The following EP300 variants were observed in gnomAD, a reference collection of about 807,000 sequenced individuals.
EP300 encodes EP300 lysine acetyltransferase.
A neutral mutation model predicts 264.0 loss-of-function variants in EP300; 31 were observed. That is an observed-to-expected ratio of 0.12 (90% confidence interval 0.09 to 0.16). The LOEUF is 0.16. Ranked by LOEUF, EP300 falls within the 10% of genes least tolerant of loss-of-function variation. The probability of loss-of-function intolerance (pLI) is 1.00; values close to 1 mark genes in which losing one functional copy is unlikely to be tolerated. For synonymous variants in EP300, 1,340 were observed against 1,045.4 expected (o/e 1.28, Z -5.44); for missense variants, 2,766 against 3,052.9 (o/e 0.91, Z 2.21).
At chr22:41,141,593 T>C (rs551558586) in intron 10 of EP300, among the ~76,000 whole-genome samples, 15 of 152,342 alleles carry the variant, frequency 9.8e-5, no homozygotes, top group Non-Finnish European at 1.6e-4. Context: ...TCAGGAGCCC[T>C]GTAACACACA....
chr22:41,100,813 C>T (rs542760146), intron 1 of EP300, among the ~76,000 whole-genome samples: 1 of 151,984 alleles, frequency 6.6e-6, no homozygotes, highest in Non-Finnish European at 1.5e-5. Flanking sequence ...ATTCTGGAAC[C>T]AATTCCCAGC....
intron 11 of EP300, 92 bp downstream of exon 11, chr22:41,146,908 AG>A (rs1393413486): frequency 1.8e-6 from 2 of 1,120,904 alleles, no homozygotes; most frequent in Admixed American, 3.9e-5. Context: ...TTATGCCAAC[AG>A]CAAGTGTCAT....
intron 21 of EP300, 58 bp from the exon 22 acceptor site, chr22:41,163,995 C>A: frequency 6.7e-7 from 1 of 1,492,790 alleles, no homozygotes; most frequent in Non-Finnish European, 9.4e-7. Context: ...GGAAATATTG[C>A]AAGTTTTCAT....
chr22:41,157,127 TAGTG>T, intron 17 of EP300, 38 bp from the exon 18 acceptor site: 1 of 1,612,966 alleles, frequency 6.2e-7, no homozygotes, highest in Non-Finnish European at 8.5e-7. Context: ...CCCGTAAAAA[TAGTG>T]AGACTTGAGT....
In EP300 at chr22:41,141,190, A is replaced by T. The variant is rs1325544787; in HGVS notation, c.2021A>T (p.Asn674Ile). The change falls in exon 10 of 31, where the codon AAC (asparagine) becomes ATC (isoleucine). Residue 674 changes from asparagine to isoleucine, a missense_variant. Asn to Ile is a moderately radical substitution (Grantham distance 149). Transcript: ENST00000263253. ...MVPVSMNPGP[N>I]MGQPQPGMTS... The stretch of plus-strand genomic sequence containing the variant: ...CCAGTTTCCATGAATCCAGGGCCTA[A>T]CATGGGACAGCCGCAACCAGGAATG... 6 of 1,614,094 alleles carry T rather than the reference A, an allele frequency of 3.7e-6. No individual in the cohort carries two copies. The highest frequency in any genetic ancestry group is 4.2e-6 in the Non-Finnish European group (5 of 1,180,034).
intron 17 of EP300, among the ~76,000 whole-genome samples, chr22:41,156,814 G>C (rs2059080116): frequency 6.6e-6 from 1 of 152,128 alleles, no homozygotes; most frequent in Non-Finnish European, 1.5e-5. Flanking sequence ...AACATTTTAA[G>C]TTCTGTGGGC....
At chr22:41,093,638 TTTATC>T (rs1478568032) in intron 1 of EP300, among the ~76,000 whole-genome samples, 3 of 152,236 alleles carry the variant, frequency 2.0e-5, no homozygotes, top group Non-Finnish European at 4.4e-5. Flanking sequence ...TAACAATTCT[TTTATC>T]TTACCTACCA....
At chr22:41,142,630 A>G (rs1183920688) in intron 10 of EP300, among the ~76,000 whole-genome samples, 2 of 152,126 alleles carry the variant, frequency 1.3e-5, no homozygotes, top group African/African-American at 4.8e-5. Flanking sequence ...TCATGCCTGT[A>G]CTCCCAGCAC....
At chr22:41,137,537 C>T (rs1026513175) in intron 7 of EP300, 116 bp from the exon 8 acceptor site, 23 of 1,386,184 alleles carry the variant, frequency 1.7e-5, no homozygotes, top group Admixed American at 7.0e-5. Flanking sequence ...CTCCTTAATG[C>T]GAATAGAAGT....
chr22:41,113,569 C>T (rs1333614405), intron 1 of EP300, among the ~76,000 whole-genome samples: 7 of 152,100 alleles, frequency 4.6e-5, no homozygotes, highest in African/African-American at 1.2e-4. Flanking sequence ...TTTTTTGAGA[C>T]GGAGTCTCGC....
chr22:41,146,076 T>G (rs1874633050), intron 10 of EP300, among the ~76,000 whole-genome samples: 1 of 152,124 alleles, frequency 6.6e-6, no homozygotes, highest in Non-Finnish European at 1.5e-5. Flanking sequence ...ACATGATTCA[T>G]AGCTATTATC....
intron 21 of EP300, among the ~76,000 whole-genome samples, 155 bp from the exon 22 acceptor site, chr22:41,163,898 G>A (rs560386152): frequency 7.9e-5 from 12 of 152,332 alleles, no homozygotes; most frequent in African/African-American, 2.6e-4. Flanking sequence ...GTACAACAGA[G>A]ACCCTATCTC....
rs1038073212 is a variant in EP300, at chr22:41,150,350, C to T, written c.2817+152C>T. ...ATTTTTCATTAGGGACTTTTGTATCCTGTTTTGCCTTCCTGTGATAGTACC... is the reference window on the plus strand; with the variant it reads ...ATTTTTCATTAGGGACTTTTGTATCTTGTTTTGCCTTCCTGTGATAGTACC... On this transcript the variant is annotated intron_variant, in intron 14 of 30. Coordinates refer to ENST00000263253, the MANE Select transcript of EP300 (RefSeq NM_001429.4). The T allele has an allele frequency of 5.1e-6, 5 of 982,564 alleles. No homozygotes were observed. The African/African-American group carries it at 6.5e-5, about 13-fold the overall frequency. 60.9% of individuals were successfully genotyped at this position (982,564 alleles called of 1,614,324 possible).
At chr22:41,142,316 T>G (rs1184815400) in intron 10 of EP300, among the ~76,000 whole-genome samples, 1 of 152,194 alleles carries the variant, frequency 6.6e-6, no homozygotes, top group Non-Finnish European at 1.5e-5. Context: ...ATCTCTTTCA[T>G]TCATTGAAGT....
intron 1 of EP300, among the ~76,000 whole-genome samples, chr22:41,114,801 T>A (rs960255419): frequency 1.1e-4 from 15 of 141,776 alleles, no homozygotes; most frequent in Non-Finnish European, 2.1e-4. Context: ...TGCTAAAAGA[T>A]ACAGAAGGAG....
intron 6 of EP300, among the ~76,000 whole-genome samples, chr22:41,135,416 T>C (rs1215621191): frequency 2.0e-5 from 3 of 152,190 alleles, no homozygotes; most frequent in African/African-American, 7.2e-5. Context: ...ATTTGAATGA[T>C]AATTTTGGGG....
At position 41,131,392 on chromosome 22, in the gene EP300, T is replaced by G; in HGVS notation, c.1287T>G (p.Ile429Met). ...TATATCTTTTGTCTTCTCTAGCAAT[T>G]TTGACTGGAGCACCCGTTGGACTTG... ...NAGDKRNQQPILTGAPVGLGN... is the reference protein window; with the variant it reads ...NAGDKRNQQPMLTGAPVGLGN... Residue 429 changes from isoleucine (I) to methionine (M), a missense_variant, in exon 6 of 31, where the codon ATT (isoleucine) becomes ATG (methionine). Ile to Met is a conservative substitution (Grantham distance 10, BLOSUM62 1). Transcript: ENST00000263253. The G allele has an allele frequency of 3.7e-6, 6 of 1,613,908 alleles. No individual in the cohort carries two copies. The highest frequency in any genetic ancestry group is 5.1e-6 in the Non-Finnish European group (6 of 1,180,022).
At chr22:41,137,356 CAAAAA>C (rs35403189) in intron 7 of EP300, among the ~76,000 whole-genome samples, 1 of 92,898 alleles carries the variant, frequency 1.1e-5, no homozygotes, top group Admixed American at 1.3e-4. Flanking sequence ...GACTTTGTCT[CAAAAA>C]AAAAAAAAAA....
intron 11 of EP300, among the ~76,000 whole-genome samples, chr22:41,147,320 G>A (rs112947655): frequency 1.3e-4 from 18 of 142,836 alleles, no homozygotes; most frequent in African/African-American, 4.4e-4. Context: ...AAAAAAAAAA[G>A]CAGATTGTAA....
Sources: gnomAD v4.1 joint callset for allele counts (sites outside exome capture counted in the v4.1 genomes callset) on GRCh38, gnomAD v4.1.1 for gene constraint, MANE v1.5 for transcripts, NCBI Gene and HGNC (gene_info 2026-07-23, HGNC 2026-07-21) for gene names.